Variants in RAB11FIP4 observed in about 807,000 individuals in gnomAD.
RAB11FIP4 encodes the protein rab11 family-interacting protein 4.
Under a neutral mutation model 74.3 loss-of-function variants are expected in RAB11FIP4, and 23 were observed. The ratio of observed to expected loss-of-function variants is 0.31; its 90% CI spans 0.22 to 0.44. RAB11FIP4 has a LOEUF of 0.44. Among genes scored for constraint, RAB11FIP4 ranks in the 20% least tolerant of loss-of-function variants. The pLI, the probability that RAB11FIP4 is intolerant of heterozygous loss-of-function variation, is 1.00. For missense variants in RAB11FIP4, 630 were observed against 863.9 expected, an observed-to-expected ratio of 0.73 and a Z score of 3.39; for synonymous variants, 360 against 359.9, an observed-to-expected ratio of 1.00 and a Z score of 0.00.
At chr17:31,479,581 T>G (rs2071827061) in intron 3 of RAB11FIP4, among the ~76,000 whole-genome samples, 1 of 152,188 alleles carries the variant, frequency 6.6e-6, no homozygotes, top group Non-Finnish European at 1.5e-5. Context: ...TTCAGTGTGT[T>G]CCTCTTAGTA....
intron 1 of RAB11FIP4, among the ~76,000 whole-genome samples, chr17:31,416,754 G>A (rs2071151947): frequency 6.6e-6 from 1 of 152,168 alleles, no homozygotes; most frequent in Non-Finnish European, 1.5e-5. Context: ...TGTGCGGTGA[G>A]GCCAGCACAG....
rs2142841145 is a variant in RAB11FIP4, at chr17:31,534,404, A to G, written c.*2672A>G. The stretch of plus-strand genomic sequence containing the variant: ...CGCCTTAACTGCCTGAGTAGCTGGG[A>G]CTACAGGCATGCACCACCACGCCCA... On this transcript the variant is annotated 3_prime_UTR_variant, in exon 15 of 15. Coordinates refer to ENST00000621161, the MANE Select transcript of RAB11FIP4 (RefSeq NM_032932.6). 1 of 152,250 alleles carries G rather than the reference A, an allele frequency of 6.6e-6. No individual in the cohort carries two copies. Among genetic ancestry groups the G allele is most frequent in the East Asian group, 1.9e-4 (1 of 5,174 alleles). The allele number at this position is 152,250 out of a possible 1,614,324, so 9.4% of individuals were successfully genotyped here. A position where few individuals can be genotyped will look rare whatever the true frequency, so the allele number is the denominator to read the frequency against.
chr17:31,458,675 T>TG (rs1443411990), intron 3 of RAB11FIP4, among the ~76,000 whole-genome samples: 4 of 152,326 alleles, frequency 2.6e-5, no homozygotes, highest in African/African-American at 9.6e-5. Context: ...TGTGCACCTC[T>TG]GGGCCTCCCA....
intron 4 of RAB11FIP4, 197 bp from the exon 5 acceptor site, chr17:31,520,969 G>C (rs2072653442): frequency 2.5e-6 from 1 of 400,660 alleles, no homozygotes; most frequent in African/African-American, 2.0e-5. Flanking sequence ...GGTAGAATTG[G>C]TTTGAACTGT....
chr17:31,460,462 ACTC>A (rs906776424), intron 3 of RAB11FIP4, among the ~76,000 whole-genome samples: 1 of 151,884 alleles, frequency 6.6e-6, no homozygotes, highest in Non-Finnish European at 1.5e-5. Flanking sequence ...ACCCTAATGT[ACTC>A]CTCAGTCTTG....
chr17:31,482,644 G>A (rs2071860954), intron 3 of RAB11FIP4, among the ~76,000 whole-genome samples: 1 of 151,974 alleles, frequency 6.6e-6, no homozygotes, highest in African/African-American at 2.4e-5. Context: ...ACTTTCCTTT[G>A]GGGTCAAGAG....
intron 3 of RAB11FIP4, among the ~76,000 whole-genome samples, chr17:31,517,270 T>C (rs2072575468): frequency 6.7e-6 from 1 of 149,786 alleles, no homozygotes; most frequent in Non-Finnish European, 1.5e-5. Flanking sequence ...AATTGGGGTT[T>C]TCCTTTTGAT....
At chr17:31,495,014 G>A (rs1308408666) in intron 3 of RAB11FIP4, among the ~76,000 whole-genome samples, 1 of 152,192 alleles carries the variant, frequency 6.6e-6, no homozygotes, top group East Asian at 1.9e-4. Flanking sequence ...TCCACACCTC[G>A]GCCCACCTGC....
intron 3 of RAB11FIP4, among the ~76,000 whole-genome samples, chr17:31,469,136 C>T (rs988814762): frequency 4.6e-5 from 7 of 152,154 alleles, no homozygotes; most frequent in Non-Finnish European, 7.4e-5. Flanking sequence ...TAACATCAAA[C>T]GTGGTGTGGG....
intron 1 of RAB11FIP4, among the ~76,000 whole-genome samples, chr17:31,396,357 T>C (rs1413377430): frequency 6.6e-6 from 1 of 152,132 alleles, no homozygotes; most frequent in Non-Finnish European, 1.5e-5. Flanking sequence ...TCTGATATAT[T>C]GCATTGTCTC....
At chr17:31,445,389 A>C (rs1347327290) in intron 3 of RAB11FIP4, among the ~76,000 whole-genome samples, 3 of 151,580 alleles carry the variant, frequency 2.0e-5, no homozygotes, top group East Asian at 3.9e-4. Context: ...AGTTGCGGAC[A>C]TGACACTTCA....
In RAB11FIP4 at chr17:31,531,859, G is replaced by T. The variant is rs374520753; in HGVS notation, c.*127G>T. ...TGTCTCTCTGGCCACCATGCGTTAC[G>T]TGTACCCGTGTATATGTGGGGAGGC... On this transcript the variant is annotated 3_prime_UTR_variant, in exon 15 of 15. Coordinates refer to ENST00000621161, the MANE Select transcript of RAB11FIP4 (RefSeq NM_032932.6). 2 of 690,226 alleles carry T rather than the reference G, an allele frequency of 2.9e-6. No individual in the cohort carries two copies. Among genetic ancestry groups the T allele is most frequent in the Admixed American group, 4.5e-5 (2 of 44,824 alleles). 42.8% of individuals were successfully genotyped at this position (690,226 alleles called of 1,614,324 possible). A position where few individuals can be genotyped will look rare whatever the true frequency, so the allele number is the denominator to read the frequency against.
rs2072934530 is a variant in RAB11FIP4, at chr17:31,535,009, T to C, written c.*3277T>C. 1 of 153,932 alleles carries C rather than the reference T, an allele frequency of 6.5e-6. No individual in the cohort carries two copies. The highest frequency in any genetic ancestry group is 2.4e-5 in the African/African-American group (1 of 41,518). The allele number at this position is 153,932 out of a possible 1,614,324, so 9.5% of individuals were successfully genotyped here. On this transcript the variant is annotated 3_prime_UTR_variant, in exon 15 of 15. Coordinates refer to ENST00000621161, the MANE Select transcript of RAB11FIP4 (RefSeq NM_032932.6). ...AGAAACTTCTAGTAAAAATGTTTTT[T>C]TCTTTTAGCTTTGAATTGGCCAGAG...
intron 3 of RAB11FIP4, among the ~76,000 whole-genome samples, chr17:31,490,062 A>G (rs1029737689): frequency 2.0e-5 from 3 of 152,128 alleles, no homozygotes; most frequent in Admixed American, 6.6e-5. Flanking sequence ...TAGAGGGCCC[A>G]TTGGGTTCTA....
chr17:31,485,073 G>C (rs973433180), intron 3 of RAB11FIP4, among the ~76,000 whole-genome samples: 2 of 152,202 alleles, frequency 1.3e-5, no homozygotes, highest in African/African-American at 4.8e-5. Context: ...TTGAGCACCT[G>C]CAGCATCTTA....
intron 3 of RAB11FIP4, among the ~76,000 whole-genome samples, chr17:31,437,752 C>G (rs2071373111): frequency 1.3e-5 from 2 of 152,134 alleles, no homozygotes; most frequent in South Asian, 4.1e-4. Context: ...CAGCAGCTGC[C>G]ACCTGGCCCC....
At chr17:31,457,839 C>A (rs2071593638) in intron 3 of RAB11FIP4, among the ~76,000 whole-genome samples, 1 of 152,150 alleles carries the variant, frequency 6.6e-6, no homozygotes, top group Non-Finnish European at 1.5e-5. Flanking sequence ...TGACTATCCT[C>A]CCTTCCTCTC....
intron 1 of RAB11FIP4, among the ~76,000 whole-genome samples, chr17:31,393,105 T>TG (rs2070891988): frequency 6.6e-6 from 1 of 152,224 alleles, no homozygotes; most frequent in South Asian, 2.1e-4. Context: ...CACCCGCACC[T>TG]GGGCATGGGC....
At chr17:31,494,325 CGTGGT>C (rs2072072327) in intron 3 of RAB11FIP4, among the ~76,000 whole-genome samples, 1 of 151,876 alleles carries the variant, frequency 6.6e-6, no homozygotes, top group Non-Finnish European at 1.5e-5. Flanking sequence ...TCACAGGGTT[CGTGGT>C]AAGAGGATGA....
Sources: gnomAD v4.1 joint callset for allele counts (sites outside exome capture counted in the v4.1 genomes callset) on GRCh38, gnomAD v4.1.1 for gene constraint, MANE v1.5 for transcripts, NCBI Gene and HGNC (gene_info 2026-07-23, HGNC 2026-07-21) for gene names.